CDK6: variants seen among roughly 807,000 people sequenced by gnomAD.
CDK6 encodes the protein cyclin dependent kinase 6, also known as cyclin-dependent kinase 6.
In CDK6, 6 loss-of-function variants were observed where a neutral mutation model predicts 37.1. The ratio of observed to expected loss-of-function variants is 0.16; its 90% CI spans 0.09 to 0.32. The LOEUF is 0.32. Among genes scored for constraint, CDK6 ranks in the 10% least tolerant of loss-of-function variants. CDK6 has a pLI of 1.00. For synonymous variants in CDK6, 160 were observed against 161.3 expected (o/e 0.99, Z 0.06); for missense variants, 224 against 418.9 (o/e 0.53, Z 4.06).
intron 7 of CDK6, among the ~76,000 whole-genome samples, chr7:92,617,550 T>G (rs1393202895): frequency 1.3e-5 from 2 of 152,184 alleles, no homozygotes; most frequent in African/African-American, 4.8e-5. Flanking sequence ...ATTAAGAGTC[T>G]CAGAGCACAG....
rs747155689 is a variant in CDK6 at position 92,833,523 on chromosome 7, C to T, written c.-200G>A. On this transcript the variant is annotated 5_prime_UTR_variant, in exon 2 of 8. Coordinates refer to ENST00000424848, the MANE Select transcript of CDK6 (RefSeq NM_001145306.2). The surrounding 1 kb of genome is among the most constrained non-coding windows in gnomAD (Gnocchi z 6.1). ...TGGAGAGACCTCCCCGCGGGGCTGG[C>T]GTAACCCTGGTGCCGCCGCCGCGAA... is the stretch of plus-strand genomic sequence containing the variant. 8.8e-5 allele frequency: 49 copies of T among 556,970 alleles called. No homozygotes were observed. Among genetic ancestry groups the T allele is most frequent in the Middle Eastern group, 4.7e-4 (1 of 2,120 alleles). The allele number at this position is 556,970 out of a possible 1,614,324, so 34.5% of individuals were successfully genotyped here. A position where few individuals can be genotyped will look rare whatever the true frequency, so the allele number is the denominator to read the frequency against.
At chr7:92,680,732 T>C (rs1240925501) in intron 4 of CDK6, among the ~76,000 whole-genome samples, 1 of 152,192 alleles carries the variant, frequency 6.6e-6, no homozygotes, top group East Asian at 1.9e-4. Context: ...TATGTGGATG[T>C]CCCATCACCT....
rs138753076 is a variant in CDK6 at position 92,835,854 on chromosome 7, A to T, written c.-368+624T>A. 2.6e-5 allele frequency among the ~76,000 whole-genome samples: 4 copies of T among 152,312 alleles called. No homozygotes were observed. In the East Asian group the frequency reaches 7.7e-4, roughly 29 times the overall value. Reference sequence around the variant, plus strand: ...CCAATATTTTAAATTATAAAAGTAAACTTGGAAACTACAGCAAACGTGCGT... The same window carrying T: ...CCAATATTTTAAATTATAAAAGTAATCTTGGAAACTACAGCAAACGTGCGT... On this transcript the variant is annotated intron_variant, in intron 1 of 7. Transcript: ENST00000424848. This position sits in a 1 kb window ranked among gnomAD's most constrained non-coding sequence, Gnocchi z 4.2.
intron 3 of CDK6, among the ~76,000 whole-genome samples, chr7:92,759,572 T>G (rs544477709): frequency 6.6e-6 from 1 of 151,914 alleles, no homozygotes; most frequent in African/African-American, 2.4e-5. Context: ...ACCAAAACTA[T>G]GGGTATTTAT....
chr7:92,614,602 C>T lies in CDK6; in HGVS notation c.*538G>A, dbSNP rs879154630. 19 of 233,692 alleles carry T rather than the reference C, an allele frequency of 8.1e-5. No homozygotes were observed. The highest frequency in any genetic ancestry group is 1.3e-3 in the Middle Eastern group (1 of 786). 14.5% of individuals were successfully genotyped at this position (233,692 alleles called of 1,614,324 possible). ...GTGAATCACCTTCAGTGAACAAATGCCTGTTATTTACTGACCACCTTGAGT... is the reference window on the plus strand; with the variant it reads ...GTGAATCACCTTCAGTGAACAAATGTCTGTTATTTACTGACCACCTTGAGT... On this transcript the variant is annotated 3_prime_UTR_variant, in exon 8 of 8. Coordinates refer to ENST00000424848, the MANE Select transcript of CDK6 (RefSeq NM_001145306.2).
In CDK6 at chr7:92,615,262, T is replaced by G. The variant is rs779613630; in HGVS notation, c.859A>C (p.Lys287Gln). 6.2e-7 allele frequency: 1 copy of G among 1,614,052 alleles called. No individual in the cohort carries two copies. The highest frequency in any genetic ancestry group is 1.1e-5 in the South Asian group (1 of 91,082). Residue 287 changes from lysine (K) to glutamine (Q), a missense_variant, in exon 8 of 8, where the codon AAA becomes CAA. Lys to Gln is a moderately conservative substitution (Grantham distance 53). Coordinates refer to ENST00000424848, the MANE Select transcript of CDK6 (RefSeq NM_001145306.2). ...AGGGCACTGTAGGCAGATATTCTTT[T>G]GGCTGGGTTAAATGTCAAACACTTC... ...LLKCLTFNPAKRISAYSALSH... is the reference protein window; with the variant it reads ...LLKCLTFNPAQRISAYSALSH...
intron 2 of CDK6, among the ~76,000 whole-genome samples, chr7:92,819,342 T>C (rs1267890311): frequency 1.3e-5 from 2 of 152,072 alleles, no homozygotes; most frequent in East Asian, 3.9e-4. Context: ...AAAGGACAAA[T>C]CTATAATGAC....
chr7:92,756,718 T>C (rs1458582155), intron 3 of CDK6, among the ~76,000 whole-genome samples: 3 of 152,194 alleles, frequency 2.0e-5, no homozygotes, highest in East Asian at 1.9e-4. Flanking sequence ...GGGCTCAGGA[T>C]TGTCATTCTT....
At chr7:92,798,590 C>G (rs1422940295) in intron 2 of CDK6, among the ~76,000 whole-genome samples, 2 of 152,136 alleles carry the variant, frequency 1.3e-5, no homozygotes, top group African/African-American at 2.4e-5. Context: ...TTTTTAATGT[C>G]TACATATCAG....
At chr7:92,702,202 T>C (rs1377990513) in intron 4 of CDK6, among the ~76,000 whole-genome samples, 1 of 149,306 alleles carries the variant, frequency 6.7e-6, no homozygotes, top group Non-Finnish European at 1.5e-5. Flanking sequence ...TTAAATATGT[T>C]GCATTATCAA....
At chr7:92,747,367 T>G (rs1799085425) in intron 3 of CDK6, among the ~76,000 whole-genome samples, 1 of 152,160 alleles carries the variant, frequency 6.6e-6, no homozygotes, top group African/African-American at 2.4e-5. Context: ...TGCTACCAGA[T>G]TAATCAGCTG....
At chr7:92,696,172 G>A (rs1797714122) in intron 4 of CDK6, among the ~76,000 whole-genome samples, 1 of 152,208 alleles carries the variant, frequency 6.6e-6, no homozygotes. Flanking sequence ...TCCAATTTAT[G>A]CAGAAATGCT....
intron 6 of CDK6, among the ~76,000 whole-genome samples, chr7:92,620,435 C>A (rs3731368): frequency 6.6e-6 from 1 of 152,148 alleles, no homozygotes; most frequent in African/African-American, 2.4e-5. Flanking sequence ...ATAGCAAGCT[C>A]AGTCACAGAG....
At chr7:92,665,970 T>C (rs1246794102) in intron 5 of CDK6, among the ~76,000 whole-genome samples, 2 of 152,226 alleles carry the variant, frequency 1.3e-5, no homozygotes, top group African/African-American at 4.8e-5. Flanking sequence ...GTCTTCAGAA[T>C]AGGGGTTTAA....
chr7:92,633,750 C>T lies in CDK6; in HGVS notation c.648-10664G>A, dbSNP rs543073468. 1.3e-4 allele frequency among the ~76,000 whole-genome samples: 19 copies of T among 151,814 alleles called. No homozygotes were observed. In the South Asian group the frequency reaches 3.3e-3, roughly 27 times the overall value. On this transcript the variant is annotated intron_variant, in intron 5 of 7. Transcript: ENST00000424848. ...GTAATGTGTTAGTTTCCTTAAACTG[C>T]CTTTGGACAAAGAATATGTGAATGG... is the stretch of plus-strand genomic sequence containing the variant.
rs576862507 is a variant in CDK6 at position 92,658,444 on chromosome 7, T to C, written c.647+12982A>G. 5.7e-4 allele frequency among the ~76,000 whole-genome samples: 87 copies of C among 152,334 alleles called. 1 individual carries two copies. In the South Asian group the frequency reaches 0.017, roughly 29 times the overall value. On this transcript the variant is annotated intron_variant, in intron 5 of 7. Transcript: ENST00000424848. ...TCTGTTTAAAAATGAGTTAAATCTC[T>C]AGGTACTGACATATTATGATAAAAT...
At chr7:92,638,002 A>G (rs1166804279) in intron 5 of CDK6, among the ~76,000 whole-genome samples, 2 of 152,230 alleles carry the variant, frequency 1.3e-5, no homozygotes, top group African/African-American at 4.8e-5. Context: ...CGTATTACAA[A>G]TAACATGTTG....
At chr7:92,723,122 G>C (rs570669551) in intron 4 of CDK6, among the ~76,000 whole-genome samples, 1 of 152,308 alleles carries the variant, frequency 6.6e-6, no homozygotes, top group East Asian at 1.9e-4. Flanking sequence ...GTTGCAGTGA[G>C]CTGAGATAGG....
At chr7:92,772,572 C>T (rs1165788648) in intron 3 of CDK6, among the ~76,000 whole-genome samples, 1 of 151,970 alleles carries the variant, frequency 6.6e-6, no homozygotes, top group Admixed American at 6.6e-5. Flanking sequence ...TCACCTTGTT[C>T]AAGAGCTTCT....
Sources: allele counts gnomAD v4.1 joint callset (sites outside exome capture counted in the v4.1 genomes callset), GRCh38; gene constraint gnomAD v4.1.1; non-coding constraint Gnocchi (gnomAD v3.1); transcripts MANE v1.5; gene names NCBI Gene and HGNC (gene_info 2026-07-23, HGNC 2026-07-21).